The following MICAL2 variants were observed in gnomAD, a reference collection of about 807,000 sequenced individuals.
MICAL2 encodes the protein microtubule associated monooxygenase, calponin and LIM domain containing 2.
Under a neutral mutation model 127.3 loss-of-function variants are expected in MICAL2, and 77 were observed. The ratio of observed to expected loss-of-function variants is 0.60; its 90% CI spans 0.50 to 0.73. The LOEUF (loss-of-function observed/expected upper bound fraction) is 0.73. MICAL2 is among the 30% of genes least tolerant of loss of function. The probability of loss-of-function intolerance (pLI) is 0.00; values close to 1 mark genes in which losing one functional copy is unlikely to be tolerated. For synonymous variants in MICAL2, 570 were observed against 551.1 expected (o/e 1.03, Z -0.48); for missense variants, 1,351 against 1,434.4 (o/e 0.94, Z 0.94).
intron 6 of MICAL2, 140 bp downstream of exon 6, chr11:12,209,738 C>T: frequency 2.8e-6 from 2 of 722,016 alleles, no homozygotes; most frequent in East Asian, 2.7e-5. Flanking sequence ...CCATCCTGTC[C>T]CTCTTGAGGT....
chr11:12,333,370 AG>A (rs747937455), intron 32 of MICAL2, among the ~76,000 whole-genome samples: 3 of 150,226 alleles, frequency 2.0e-5, no homozygotes, highest in East Asian at 1.9e-4. Flanking sequence ...AAAAAAAAAA[AG>A]CAATAGAACA....
rs1272756274 is a variant in MICAL2, at chr11:12,315,957, CTTTAA to C, written c.5213-3732_5213-3728del. Among the ~76,000 whole-genome samples, 10 of 151,922 alleles carry C rather than the reference CTTTAA, an allele frequency of 6.6e-5. No individual in the cohort carries two copies. The East Asian group carries it at 7.7e-4, about 12-fold the overall frequency. On this transcript the variant is annotated intron_variant, in intron 29 of 34. Coordinates refer to the MICAL2 transcript ENST00000646065. ...AATCAAGCACGTCTGTATTTTGTTT[CTTTAA>C]TTTAATCAAGTGTGCACATATTTAA...
intron 32 of MICAL2, among the ~76,000 whole-genome samples, chr11:12,336,793 G>A (rs1193360533): frequency 6.6e-6 from 1 of 152,094 alleles, no homozygotes; most frequent in African/African-American, 2.4e-5. Flanking sequence ...TTGCATCCCA[G>A]GGATGAAGCT....
At position 12,255,638 on chromosome 11, in the gene MICAL2, G is replaced by T. The variant is rs1862227402; in HGVS notation, c.2848-5G>T. On this transcript the variant is annotated splice_polypyrimidine_tract_variant and splice_region_variant and intron_variant, in intron 22 of 27. Transcript: ENST00000683283. ...TCTGTCTCCTCTGCCTCTGCTCTTG[G>T]TTAGCTGACGGTAGGGAAAGTGTCC... is the stretch of plus-strand genomic sequence containing the variant. The T allele has an allele frequency of 6.2e-7, 1 of 1,613,786 alleles. No homozygotes were observed. Among genetic ancestry groups the T allele is most frequent in the African/African-American group, 1.3e-5 (1 of 74,886 alleles).
chr11:12,176,689 T>C lies in MICAL2; in HGVS notation c.264+14270T>C, dbSNP rs1011028577. 3.9e-5 allele frequency among the ~76,000 whole-genome samples: 6 copies of C among 152,238 alleles called. No individual in the cohort carries two copies. In the East Asian group the frequency reaches 1.2e-3, roughly 29 times the overall value. On this transcript the variant is annotated intron_variant, in intron 3 of 27. Transcript: ENST00000683283. The stretch of plus-strand genomic sequence containing the variant: ...CACCATTCTTTCTGTCTCTATGAAT[T>C]TGATTACCGAAGTATCTCATATGAG...
intron 32 of MICAL2, among the ~76,000 whole-genome samples, chr11:12,333,812 CA>C (rs1712204414): frequency 6.6e-6 from 1 of 151,882 alleles, no homozygotes; most frequent in African/African-American, 2.4e-5. Flanking sequence ...GTAAATCTAG[CA>C]AAAAACATGT....
intron 32 of MICAL2, among the ~76,000 whole-genome samples, chr11:12,348,705 C>T (rs536150239): frequency 6.6e-6 from 1 of 152,148 alleles, no homozygotes; most frequent in Non-Finnish European, 1.5e-5. Context: ...GGTTTAGGAT[C>T]AGACACAGTT....
chr11:12,215,216 G>A (rs1162457994), intron 7 of MICAL2, among the ~76,000 whole-genome samples: 1 of 152,180 alleles, frequency 6.6e-6, no homozygotes, highest in African/African-American at 2.4e-5. Flanking sequence ...TTGAAACTTT[G>A]CTGTGGTTGT....
intron 29 of MICAL2, among the ~76,000 whole-genome samples, chr11:12,301,378 C>A (rs1317006040): frequency 6.6e-6 from 1 of 152,164 alleles, no homozygotes; most frequent in African/African-American, 2.4e-5. Flanking sequence ...ATGACTATAT[C>A]ATAATTTATT....
intron 32 of MICAL2, among the ~76,000 whole-genome samples, chr11:12,340,834 T>C (rs1938852328): frequency 6.6e-6 from 1 of 152,240 alleles, no homozygotes; most frequent in African/African-American, 2.4e-5. Flanking sequence ...ACTAATTTTT[T>C]TGTTTCTAAA....
At chr11:12,225,371 TCAG>T (rs1227912420) in intron 13 of MICAL2, among the ~76,000 whole-genome samples, 3 of 152,110 alleles carry the variant, frequency 2.0e-5, no homozygotes, top group Non-Finnish European at 2.9e-5. Flanking sequence ...TGTGTTTAAA[TCAG>T]CAGCAGCAGA....
downstream of MICAL2, among the ~76,000 whole-genome samples, chr11:12,267,396 C>T (rs757027695): frequency 2.6e-5 from 4 of 152,162 alleles, no homozygotes; most frequent in Non-Finnish European, 4.4e-5. Context: ...AGCCCAAAGG[C>T]CCTGGAGTCA....
downstream of MICAL2, among the ~76,000 whole-genome samples, chr11:12,291,103 C>T (rs189908460): frequency 2.7e-3 from 408 of 152,236 alleles, 1 homozygote; most frequent in Non-Finnish European, 4.3e-3. Context: ...ACTCGTTCCA[C>T]GTGGAGGTCC....
chr11:12,194,151 G>T (rs1487867276), intron 3 of MICAL2, among the ~76,000 whole-genome samples: 1 of 152,176 alleles, frequency 6.6e-6, no homozygotes, highest in Non-Finnish European at 1.5e-5. Flanking sequence ...TTGCAGTCCT[G>T]CCTGGAGTTC....
rs1389034096 is a variant in MICAL2 at position 12,337,196 on chromosome 11, C to T, written c.5515+9930C>T. On this transcript the variant is annotated intron_variant, in intron 32 of 34. Transcript: ENST00000646065. ...TTTAGTCTTCGGAGGGTGTATGTGT[C>T]GAGGAATTTATCCATTTCTTCTAGA... Among the ~76,000 whole-genome samples, 15 of 152,208 alleles carry T rather than the reference C, an allele frequency of 9.9e-5. No individual in the cohort carries two copies. The South Asian group carries it at 2.7e-3, about 27-fold the overall frequency.
intron 29 of MICAL2, among the ~76,000 whole-genome samples, chr11:12,312,502 T>G (rs1864185612): frequency 6.6e-6 from 1 of 152,140 alleles, no homozygotes; most frequent in Admixed American, 6.6e-5. Flanking sequence ...TTTAGAAAAA[T>G]ATTACTTAAT....
intron 15 of MICAL2, among the ~76,000 whole-genome samples, chr11:12,227,607 G>T (rs1224249568): frequency 6.6e-6 from 1 of 152,116 alleles, no homozygotes; most frequent in East Asian, 1.9e-4. Context: ...CAACTTCAGG[G>T]CTATATTTTT....
At chr11:12,123,102 T>C (rs1308331272) in intron 1 of MICAL2, among the ~76,000 whole-genome samples, 3 of 152,168 alleles carry the variant, frequency 2.0e-5, no homozygotes. Context: ...TTATTTCATG[T>C]ACCCTCAAGA....
intron 4 of MICAL2, 116 bp from the exon 5 acceptor site, chr11:12,207,907 T>G: frequency 1.3e-6 from 1 of 774,806 alleles, no homozygotes; most frequent in Non-Finnish European, 2.3e-6. Context: ...TAATGATCAT[T>G]GTTGGTATAC....
Sources: allele counts gnomAD v4.1 joint callset (sites outside exome capture counted in the v4.1 genomes callset), GRCh38; gene constraint gnomAD v4.1.1; transcripts MANE v1.5; gene names NCBI Gene and HGNC (gene_info 2026-07-23, HGNC 2026-07-21).